SERTAD4: variants seen among roughly 807,000 people sequenced by gnomAD.
The protein encoded by SERTAD4 is SERTA domain containing 4, also known as SERTA domain-containing protein 4.
Under a neutral mutation model 32.9 loss-of-function variants are expected in SERTAD4, and 18 were observed. That is an observed-to-expected ratio of 0.55 (90% CI 0.38 to 0.81). The LOEUF (loss-of-function observed/expected upper bound fraction) is 0.81, where lower values mean the gene tolerates loss of function less well. SERTAD4 is among the 30% of genes least tolerant of loss of function. SERTAD4 has a pLI of 0.00. For missense variants in SERTAD4, 383 were observed against 426.0 expected, an observed-to-expected ratio of 0.90 and a Z score of 0.89; for synonymous variants, 150 against 156.4, an observed-to-expected ratio of 0.96 and a Z score of 0.30.
intron 1 of SERTAD4, chr1:210,233,691 C>T (rs887865187): frequency 6.4e-6 from 3 of 470,630 alleles, no homozygotes; most frequent in Admixed American, 2.3e-5. Flanking sequence ...CTCTCGCTTC[C>T]CTTCCTCCCC....
chr1:210,237,999 C>T lies in SERTAD4; in HGVS notation c.39C>T (p.Pro13=). The T allele has an allele frequency of 1.2e-6, 2 of 1,613,802 alleles. No homozygotes were observed. The highest frequency in any genetic ancestry group is 2.2e-5 in the East Asian group (1 of 44,852). The change falls in exon 2 of 4, where the codon CCC becomes CCT. Residue 13 remains proline, a synonymous_variant. Transcript: ENST00000367012. ...TGTCCATGAATAGATTCTGCGAGCC[C>T]ATTGTCTCGGAAGGAGCTGCTGAAA... ...LVLSMNRFCE[P]IVSEGAAEIA... is the part of the protein sequence containing the mutation.
rs962704240 is a variant in SERTAD4 at position 210,242,906 on chromosome 1, G to A, written c.*569G>A. ...CATAATGAAACACACCTGTCTAGGG[G>A]CGGCAATCAACAGTCTTACACAGAG... On this transcript the variant is annotated 3_prime_UTR_variant, in exon 4 of 4. Transcript: ENST00000367012. This position sits in a 1 kb window ranked among gnomAD's most constrained non-coding sequence, Gnocchi z 4.0. 111 of 985,896 alleles carry A rather than the reference G, an allele frequency of 1.1e-4. No homozygotes were observed. The highest frequency in any genetic ancestry group is 1.3e-4 in the Non-Finnish European group (106 of 830,168). The allele number at this position is 985,896 out of a possible 1,614,324, so 61.1% of individuals were successfully genotyped here.
chr1:210,242,814 T>C lies in SERTAD4; in HGVS notation c.*477T>C. ...ACTAAAGACAGGGAGCTAGATGAAA[T>C]GGCTTAATGGTGCTGTTAAGTATTT... On this transcript the variant is annotated 3_prime_UTR_variant, in exon 4 of 4. Coordinates refer to ENST00000367012, the MANE Select transcript of SERTAD4 (RefSeq NM_019605.5). The surrounding 1 kb of genome is among the most constrained non-coding windows in gnomAD (Gnocchi z 4.0). 1.0e-6 allele frequency: 1 copy of C among 987,770 alleles called. No homozygotes were observed. The highest frequency in any genetic ancestry group is 1.2e-6 in the Non-Finnish European group (1 of 831,454). The allele number at this position is 987,770 out of a possible 1,614,324, so 61.2% of individuals were successfully genotyped here.
intron 1 of SERTAD4, among the ~76,000 whole-genome samples, chr1:210,235,384 TAA>T (rs1320403902): frequency 1.3e-5 from 2 of 152,216 alleles, no homozygotes; most frequent in Non-Finnish European, 2.9e-5. Flanking sequence ...GTGTAAGTTT[TAA>T]ATAGACTAGG....
Position 210,243,185 on chromosome 1 carries a change from A to C in SERTAD4, c.*848A>C. 2 of 947,382 alleles carry C rather than the reference A, an allele frequency of 2.1e-6. No homozygotes were observed. Among genetic ancestry groups the C allele is most frequent in the Non-Finnish European group, 2.5e-6 (2 of 796,366 alleles). The allele number at this position is 947,382 out of a possible 1,614,324, so 58.7% of individuals were successfully genotyped here. ...TATTGTGTTCAGCTTTTGATTCGAC[A>C]TCTCTATTCTTTATTTTTGATGCCC... is the stretch of plus-strand genomic sequence containing the variant. On this transcript the variant is annotated 3_prime_UTR_variant, in exon 4 of 4. Coordinates refer to ENST00000367012, the MANE Select transcript of SERTAD4 (RefSeq NM_019605.5).
At position 210,243,105 on chromosome 1, in the gene SERTAD4, A is replaced by AC. The variant is rs2084016273; in HGVS notation, c.*768_*769insC. ...TTAACAAACAGGACAAAAAAAAAAA[A>AC]AAAAAAAAAACCACAGGGTGGATCA... On this transcript the variant is annotated 3_prime_UTR_variant, in exon 4 of 4. Coordinates refer to ENST00000367012, the MANE Select transcript of SERTAD4 (RefSeq NM_019605.5). 12 of 953,822 alleles carry AC rather than the reference A, an allele frequency of 1.3e-5. No homozygotes were observed. The highest frequency in any genetic ancestry group is 1.4e-5 in the Non-Finnish European group (11 of 813,006). The allele number at this position is 953,822 out of a possible 1,614,324, so 59.1% of individuals were successfully genotyped here. A position where few individuals can be genotyped will look rare whatever the true frequency, so the allele number is the denominator to read the frequency against.
chr1:210,239,014 T>C (rs574655769), intron 2 of SERTAD4, among the ~76,000 whole-genome samples: 2 of 152,246 alleles, frequency 1.3e-5, no homozygotes, highest in South Asian at 2.1e-4. Flanking sequence ...AAAAAAGGAA[T>C]GCTATAATCC....
chr1:210,245,685 T>G lies in SERTAD4; in HGVS notation c.*3348T>G, dbSNP rs2084042069. 2.7e-6 allele frequency: 1 copy of G among 374,136 alleles called. No individual in the cohort carries two copies. Among genetic ancestry groups the G allele is most frequent in the Non-Finnish European group, 3.7e-6 (1 of 271,168 alleles). The allele number at this position is 374,136 out of a possible 1,614,324, so 23.2% of individuals were successfully genotyped here. On this transcript the variant is annotated 3_prime_UTR_variant, in exon 4 of 4. Coordinates refer to ENST00000367012, the MANE Select transcript of SERTAD4 (RefSeq NM_019605.5). Reference sequence around the variant, plus strand: ...TTTGTTAAATGGTGAAGCAAGGGAATGAAAGTATTTATTTTTAGAGCTCAT... The same window carrying G: ...TTTGTTAAATGGTGAAGCAAGGGAAGGAAAGTATTTATTTTTAGAGCTCAT...
Position 210,238,074 on chromosome 1 carries a change from C to T in SERTAD4, c.114C>T (p.Ser38=). ...LWEADSYGGP[S]PPGPAQAPLQ... ...AGGCTGACAGCTACGGAGGCCCAAG[C>T]CCCCCAGGGCCAGCACAAGCTCCTT... The change falls in exon 2 of 4, where the codon AGC becomes AGT. Residue 38 remains serine (S), a synonymous_variant. Transcript: ENST00000367012. 1 of 1,612,998 alleles carries T rather than the reference C, an allele frequency of 6.2e-7. No individual in the cohort carries two copies. Among genetic ancestry groups the T allele is most frequent in the East Asian group, 2.2e-5 (1 of 44,870 alleles).
At position 210,239,613 on chromosome 1, in the gene SERTAD4, G is replaced by GT. The variant is rs768408381; in HGVS notation, c.291+12dup. 5 of 1,493,512 alleles carry GT rather than the reference G, an allele frequency of 3.3e-6. No individual in the cohort carries two copies. Among genetic ancestry groups the GT allele is most frequent in the African/African-American group, 2.8e-5 (2 of 71,764 alleles). The allele number at this position is 1,493,512 out of a possible 1,614,324, so 92.5% of individuals were successfully genotyped here. On this transcript the variant is annotated splice_donor_region_variant and intron_variant, in intron 3 of 3. Coordinates refer to ENST00000367012, the MANE Select transcript of SERTAD4 (RefSeq NM_019605.5). ...CTCAGCAGCTGTAGCCATAAAGTAT[G>GT]TTTTTTTAATAGTCATTATTTTTAT... is the stretch of plus-strand genomic sequence containing the variant.
At chr1:210,239,668 C>A in intron 3 of SERTAD4, 60 bp downstream of exon 3, 2 of 909,040 alleles carry the variant, frequency 2.2e-6, no homozygotes, top group South Asian at 1.7e-5. Context: ...GTAACAGTTG[C>A]TTGATCCACT....
In SERTAD4 at chr1:210,241,938, T is replaced by C. The variant is rs769133904; in HGVS notation, c.672T>C (p.Ser224=). The change falls in exon 4 of 4, where the codon TCT becomes TCC. Residue 224 remains serine, a synonymous_variant. Coordinates refer to ENST00000367012, the MANE Select transcript of SERTAD4 (RefSeq NM_019605.5). ...STAASSPSAS[S]SSSSSSSSPP... Reference sequence around the variant, plus strand: ...CTGCCTCCTCTCCCTCCGCCTCTTCTTCCTCCTCATCTTCCTCTTCCTCTC... The same window carrying C: ...CTGCCTCCTCTCCCTCCGCCTCTTCCTCCTCCTCATCTTCCTCTTCCTCTC... 31 of 1,614,130 alleles carry C rather than the reference T, an allele frequency of 1.9e-5. No individual in the cohort carries two copies. In the Middle Eastern group the frequency reaches 2.3e-3, roughly 120 times the overall value.
intron 1 of SERTAD4, 142 bp downstream of exon 1, chr1:210,233,153 G>C (rs1018909059): frequency 2.6e-5 from 4 of 153,074 alleles, no homozygotes; most frequent in African/African-American, 9.7e-5. Flanking sequence ...GCTGTGCCGA[G>C]GTCACCGAGT....
At chr1:210,233,901 C>G (rs1046151372) in intron 1 of SERTAD4, 4 of 451,520 alleles carry the variant, frequency 8.9e-6, no homozygotes, top group African/African-American at 8.3e-5. Context: ...CCCGGGCCAG[C>G]CCCGCCAGAG....
chr1:210,233,882 G>T (rs1456703459), intron 1 of SERTAD4: 2 of 461,810 alleles, frequency 4.3e-6, no homozygotes, highest in South Asian at 1.6e-5. Context: ...GCGGGCTGGA[G>T]CGCGGGGGCC....
chr1:210,238,247 C>A, intron 2 of SERTAD4, 112 bp downstream of exon 2: 1 of 661,142 alleles, frequency 1.5e-6, no homozygotes, highest in East Asian at 2.7e-5. Context: ...AGAGCTAAAG[C>A]TCCAGGGACT....
At chr1:210,236,525 T>C (rs1398689838) in intron 1 of SERTAD4, among the ~76,000 whole-genome samples, 1 of 152,236 alleles carries the variant, frequency 6.6e-6, no homozygotes, top group Non-Finnish European at 1.5e-5. Flanking sequence ...ACTTTAATGA[T>C]GCTATTTCGC....
chr1:210,239,418 G>A, intron 2 of SERTAD4, 75 bp from the exon 3 acceptor site: 1 of 843,524 alleles, frequency 1.2e-6, no homozygotes, highest in South Asian at 1.4e-5. Context: ...TAGAAGGAAA[G>A]GAAACGAAAG....
At chr1:210,235,691 C>A (rs143102956) in intron 1 of SERTAD4, among the ~76,000 whole-genome samples, 1 of 152,144 alleles carries the variant, frequency 6.6e-6, no homozygotes, top group Non-Finnish European at 1.5e-5. Flanking sequence ...AAAGGTACTA[C>A]CAAAAAGTTA....
Sources: allele counts gnomAD v4.1 joint callset (sites outside exome capture counted in the v4.1 genomes callset), GRCh38; gene constraint gnomAD v4.1.1; non-coding constraint Gnocchi (gnomAD v3.1); transcripts MANE v1.5; gene names NCBI Gene and HGNC (gene_info 2026-07-23, HGNC 2026-07-21).